The following GRIK1 variants were observed in gnomAD, a reference collection of about 807,000 sequenced individuals.
The protein encoded by GRIK1 is glutamate ionotropic receptor kainate type subunit 1, also known as glutamate receptor ionotropic, kainate 1.
A neutral mutation model predicts 105.7 loss-of-function variants in GRIK1; 69 were observed. That is an observed-to-expected ratio of 0.65 (90% CI 0.54 to 0.80). GRIK1 has a LOEUF of 0.80. Among genes scored for constraint, GRIK1 ranks in the 30% least tolerant of loss-of-function variants. The pLI, the probability that GRIK1 is intolerant of heterozygous loss-of-function variation, is 0.00. For missense variants in GRIK1, 1,109 were observed against 1,167.3 expected, an observed-to-expected ratio of 0.95 and a Z score of 0.73; for synonymous variants, 438 against 431.3, an observed-to-expected ratio of 1.02 and a Z score of -0.19.
chr21:29,623,609 G>T (rs890742516), intron 7 of GRIK1, among the ~76,000 whole-genome samples: 1 of 152,212 alleles, frequency 6.6e-6, no homozygotes, highest in South Asian at 2.1e-4. Context: ...ATTGCTCAAT[G>T]TATAAATCCA....
At position 29,647,635 on chromosome 21, in the gene GRIK1, A is replaced by G. The variant is rs370372681; in HGVS notation, c.954+3483T>C. The stretch of plus-strand genomic sequence containing the variant: ...CCTGTGCAGTGTTGACTCATACACA[A>G]TTTTGGTCCACTGAGAAGGACCCAT... On this transcript the variant is annotated intron_variant, in intron 6 of 17. Coordinates refer to ENST00000327783, the MANE Select transcript of GRIK1 (RefSeq NM_001330994.2). Among the ~76,000 whole-genome samples the G allele has an allele frequency of 8.1e-4, 124 of 152,338 alleles. No homozygotes were observed. The Middle Eastern group carries it at 0.017, about 21-fold the overall frequency.
chr21:29,573,117 G>A (rs1174647404), intron 14 of GRIK1, among the ~76,000 whole-genome samples: 2 of 152,224 alleles, frequency 1.3e-5, no homozygotes, highest in East Asian at 3.9e-4. Context: ...ACACAGGTAA[G>A]GGCTAGTGCA....
chr21:29,711,591 C>T (rs1019637818), intron 1 of GRIK1, among the ~76,000 whole-genome samples: 2 of 151,922 alleles, frequency 1.3e-5, no homozygotes, highest in East Asian at 3.9e-4. Context: ...TTTTATGGGT[C>T]TCTGCTTCCA....
At chr21:29,765,261 C>T (rs1307891076) in intron 1 of GRIK1, among the ~76,000 whole-genome samples, 1 of 152,068 alleles carries the variant, frequency 6.6e-6, no homozygotes, top group Non-Finnish European at 1.5e-5. Context: ...TTTGTCCCTC[C>T]TACTTTTATT....
intron 1 of GRIK1, among the ~76,000 whole-genome samples, chr21:29,884,121 T>C (rs1884929794): frequency 6.6e-6 from 1 of 152,054 alleles, no homozygotes; most frequent in Admixed American, 6.6e-5. Context: ...AGTATGGTTC[T>C]GTTACCTGCC....
chr21:29,609,211 T>C (rs1159424693), intron 7 of GRIK1, among the ~76,000 whole-genome samples: 1 of 151,920 alleles, frequency 6.6e-6, no homozygotes, highest in East Asian at 1.9e-4. Flanking sequence ...AAAGATTCAT[T>C]CTCTTCCTGA....
intron 8 of GRIK1, among the ~76,000 whole-genome samples, chr21:29,598,242 A>T (rs2061453736): frequency 6.6e-6 from 1 of 152,256 alleles, no homozygotes; most frequent in Non-Finnish European, 1.5e-5. Context: ...ACTAAAGTAG[A>T]ACTTTAAACA....
intron 1 of GRIK1, among the ~76,000 whole-genome samples, chr21:29,813,883 G>A (rs1481143099): frequency 2.7e-5 from 4 of 150,342 alleles, no homozygotes; most frequent in African/African-American, 9.8e-5. Context: ...ACTAAACACT[G>A]AGGCCACGGG....
At chr21:29,767,239 T>C (rs949405280) in intron 1 of GRIK1, among the ~76,000 whole-genome samples, 38 of 152,216 alleles carry the variant, frequency 2.5e-4, no homozygotes, top group African/African-American at 8.9e-4. Context: ...GGACAATGTG[T>C]GTGTTTTAAA....
intron 1 of GRIK1, among the ~76,000 whole-genome samples, chr21:29,936,700 T>A (rs1261683120): frequency 6.6e-6 from 1 of 152,244 alleles, no homozygotes; most frequent in Non-Finnish European, 1.5e-5. Flanking sequence ...TCACAGTGTA[T>A]GCTCAAATCA....
chr21:29,694,084 C>A, intron 1 of GRIK1, 21 bp from the exon 2 acceptor site: 1 of 1,412,916 alleles, frequency 7.1e-7, no homozygotes, highest in Non-Finnish European at 1.0e-6. Flanking sequence ...AAAAGAGATG[C>A]ATGAGAAGCG....
At chr21:29,635,832 T>C (rs1383601842) in intron 7 of GRIK1, among the ~76,000 whole-genome samples, 1 of 152,126 alleles carries the variant, frequency 6.6e-6, no homozygotes, top group Non-Finnish European at 1.5e-5. Flanking sequence ...GGTGTACTGC[T>C]GGATGTCAAG....
chr21:29,539,070 A>G (rs891426120), intron 16 of GRIK1, among the ~76,000 whole-genome samples: 1 of 152,050 alleles, frequency 6.6e-6, no homozygotes, highest in African/African-American at 2.4e-5. Context: ...GAAACATAAA[A>G]ACTCATGTCA....
At chr21:29,769,172 C>A (rs371012196) in intron 1 of GRIK1, among the ~76,000 whole-genome samples, 1 of 152,052 alleles carries the variant, frequency 6.6e-6, no homozygotes, top group African/African-American at 2.4e-5. Flanking sequence ...AAAAAAGACA[C>A]CTTGTAATCA....
At chr21:29,624,809 G>A (rs1189521004) in intron 7 of GRIK1, among the ~76,000 whole-genome samples, 1 of 152,236 alleles carries the variant, frequency 6.6e-6, no homozygotes, top group Non-Finnish European at 1.5e-5. Flanking sequence ...GGCTTACGGA[G>A]GACCAAGAAG....
chr21:29,779,335 AGTGTGTGTGT>A lies in GRIK1; in HGVS notation c.119-85282_119-85273del, dbSNP rs3054347. Reference sequence around the variant, plus strand: ...AAAATATTTTGGAGGTCAGTGAGTGAGTGTGTGTGTGTGTGTGTGTGTGTGTGCACGTGTG... The same window carrying A: ...AAAATATTTTGGAGGTCAGTGAGTGAGTGTGTGTGTGTGTGTGCACGTGTG... On this transcript the variant is annotated intron_variant, in intron 1 of 17. Transcript: ENST00000327783. Among the ~76,000 whole-genome samples, 276 of 149,852 alleles carry A rather than the reference AGTGTGTGTGT, an allele frequency of 1.8e-3. 1 individual carries two copies. The highest frequency in any genetic ancestry group is 5.7e-3 in the African/African-American group (231 of 40,884).
At chr21:29,826,597 A>G (rs978003035) in intron 1 of GRIK1, among the ~76,000 whole-genome samples, 4 of 152,108 alleles carry the variant, frequency 2.6e-5, no homozygotes, top group Admixed American at 1.3e-4. Flanking sequence ...GCCACCCTGC[A>G]GATTTTGGGC....
intron 1 of GRIK1, among the ~76,000 whole-genome samples, chr21:29,823,579 G>T (rs992502890): frequency 4.0e-5 from 6 of 151,700 alleles, no homozygotes; most frequent in Non-Finnish European, 7.4e-5. Context: ...TTATTTTTTT[G>T]ATCATAAGTG....
intron 1 of GRIK1, among the ~76,000 whole-genome samples, 185 bp from the exon 2 acceptor site, chr21:29,694,248 C>T (rs1477472116): frequency 2.0e-5 from 3 of 151,710 alleles, no homozygotes; most frequent in Non-Finnish European, 2.9e-5. Context: ...CTCAGCCTCC[C>T]GAGTAGCTAG....
Sources: gnomAD v4.1 joint callset for allele counts (sites outside exome capture counted in the v4.1 genomes callset) on GRCh38, gnomAD v4.1.1 for gene constraint, MANE v1.5 for transcripts, NCBI Gene and HGNC (gene_info 2026-07-23, HGNC 2026-07-21) for gene names.